ADAM22: variants seen among roughly 807,000 people sequenced by gnomAD.
ADAM22 encodes the protein ADAM metallopeptidase domain 22.
A neutral mutation model predicts 144.6 loss-of-function variants in ADAM22; 65 were observed. The observed-to-expected ratio is 0.45, with a 90% confidence interval of 0.37 to 0.55. ADAM22 has a LOEUF of 0.55. Among genes scored for constraint, ADAM22 ranks in the 20% least tolerant of loss-of-function variants. The pLI is 0.00. For synonymous variants in ADAM22, 391 were observed against 412.6 expected (o/e 0.95, Z 0.63); for missense variants, 974 against 1,184.9 (o/e 0.82, Z 2.61).
At chr7:88,074,053 A>T (rs967441595) in intron 3 of ADAM22, among the ~76,000 whole-genome samples, 1 of 152,300 alleles carries the variant, frequency 6.6e-6, no homozygotes, top group South Asian at 2.1e-4. Context: ...TGTATGTAAG[A>T]GATGCTACTG....
Position 88,153,401 on chromosome 7 carries a change from T to G in ADAM22, c.1787+75T>G, listed in dbSNP as rs557580025. 6.1e-5 allele frequency: 72 copies of G among 1,177,556 alleles called. No homozygotes were observed. In the East Asian group the frequency reaches 1.7e-3, roughly 28 times the overall value. 72.9% of individuals were successfully genotyped at this position (1,177,556 alleles called of 1,614,324 possible). Reference sequence around the variant, plus strand: ...GTACTTTTTTGAGTGACTAGGAAGTTTCTGCTTTCTGCATCACACAAAGTG... The same window carrying G: ...GTACTTTTTTGAGTGACTAGGAAGTGTCTGCTTTCTGCATCACACAAAGTG... On this transcript the variant is annotated intron_variant, in intron 21 of 31. Coordinates refer to ENST00000413139, the MANE Select transcript of ADAM22 (RefSeq NM_001324418.2).
chr7:87,963,344 T>C (rs1848386616), intron 2 of ADAM22, among the ~76,000 whole-genome samples: 1 of 152,118 alleles, frequency 6.6e-6, no homozygotes. Context: ...TTTTCAGAAG[T>C]GAATAAGTTC....
chr7:87,982,068 T>TATATATATATATACACACAC (rs1244517564), intron 3 of ADAM22, among the ~76,000 whole-genome samples: 3 of 93,744 alleles, frequency 3.2e-5, no homozygotes, highest in East Asian at 3.8e-4. Flanking sequence ...TATATATATA[T>TATATATATATATACACACAC]ACACACACAC....
At position 88,013,742 on chromosome 7, in the gene ADAM22, G is replaced by A. The variant is rs528116167; in HGVS notation, c.323+35330G>A. Among the ~76,000 whole-genome samples the A allele has an allele frequency of 1.3e-4, 20 of 152,266 alleles. No homozygotes were observed. The South Asian group carries it at 4.1e-3, about 32-fold the overall frequency. ...TGCCTGGCCATTTCTTGAACCTTCT[G>A]AATGTTATATGGAAATGAGTGATTT... On this transcript the variant is annotated intron_variant, in intron 3 of 31. Coordinates refer to ENST00000413139, the MANE Select transcript of ADAM22 (RefSeq NM_001324418.2).
chr7:87,944,816 G>GTTTTTTTTTTTTT (rs11311070), intron 2 of ADAM22, among the ~76,000 whole-genome samples: 5 of 127,028 alleles, frequency 3.9e-5, no homozygotes, highest in Non-Finnish European at 6.6e-5. Context: ...GGAAACTTGT[G>GTTTTTTTTTTTTT]TTTTTTTTTT....
rs184782741 is a variant in ADAM22 at position 87,968,382 on chromosome 7, C to T, written c.247-9954C>T. Among the ~76,000 whole-genome samples, 54 of 152,096 alleles carry T rather than the reference C, an allele frequency of 3.6e-4. No individual in the cohort carries two copies. The East Asian group carries it at 0.01, about 29-fold the overall frequency. On this transcript the variant is annotated intron_variant, in intron 2 of 31. Coordinates refer to ENST00000413139, the MANE Select transcript of ADAM22 (RefSeq NM_001324418.2). ...GGCACTAGTATTTTTTAAAAAGTTT[C>T]CCAAGGTAGTCTGGGTGTGGTGGCT...
chr7:87,996,592 A>G (rs1270859315), intron 3 of ADAM22, among the ~76,000 whole-genome samples: 1 of 152,204 alleles, frequency 6.6e-6, no homozygotes, highest in Non-Finnish European at 1.5e-5. Flanking sequence ...CATAACACTG[A>G]AGGGAATATT....
At chr7:88,089,270 A>G (rs540162413) in intron 4 of ADAM22, among the ~76,000 whole-genome samples, 2 of 152,132 alleles carry the variant, frequency 1.3e-5, no homozygotes, top group African/African-American at 4.8e-5. Context: ...ATATATATAA[A>G]AAAAGAAAAA....
At chr7:88,126,980 C>T (rs1357574570) in intron 8 of ADAM22, among the ~76,000 whole-genome samples, 5 of 151,736 alleles carry the variant, frequency 3.3e-5, no homozygotes, top group Non-Finnish European at 5.9e-5. Flanking sequence ...TGCTTATAAC[C>T]GCATATACGC....
chr7:88,170,284 G>T (rs185356640), intron 25 of ADAM22, among the ~76,000 whole-genome samples: 1 of 151,806 alleles, frequency 6.6e-6, no homozygotes, highest in Non-Finnish European at 1.5e-5. Context: ...GGAATATAGT[G>T]GGAATGTAGA....
chr7:88,134,552 G>T (rs895120584), intron 13 of ADAM22, 133 bp downstream of exon 13: 2 of 596,640 alleles, frequency 3.4e-6, no homozygotes, highest in Non-Finnish European at 5.7e-6. Context: ...AACATCCAGC[G>T]CACAAACTGT....
intron 3 of ADAM22, among the ~76,000 whole-genome samples, chr7:88,030,413 A>C (rs1799966366): frequency 6.6e-6 from 1 of 152,152 alleles, no homozygotes; most frequent in Non-Finnish European, 1.5e-5. Flanking sequence ...GAGTTTACTC[A>C]AAACAGCCCT....
chr7:88,191,484 A>G (rs2129540695), intron 30 of ADAM22, among the ~76,000 whole-genome samples: 1 of 152,376 alleles, frequency 6.6e-6, no homozygotes, highest in African/African-American at 2.4e-5. Context: ...ATTAGGCTAA[A>G]AAGCTGACGC....
chr7:88,014,411 G>A (rs1796105659), intron 3 of ADAM22, among the ~76,000 whole-genome samples: 1 of 152,090 alleles, frequency 6.6e-6, no homozygotes, highest in South Asian at 2.1e-4. Flanking sequence ...CTGAAAGGTA[G>A]GTGAGGAAGT....
intron 13 of ADAM22, among the ~76,000 whole-genome samples, chr7:88,135,773 C>T (rs746522717): frequency 6.6e-6 from 1 of 151,558 alleles, no homozygotes; most frequent in Non-Finnish European, 1.5e-5. Context: ...TTTTTTGGGG[C>T]AAAAATTATA....
chr7:87,946,211 G>A (rs1843654464), intron 2 of ADAM22, among the ~76,000 whole-genome samples: 1 of 151,948 alleles, frequency 6.6e-6, no homozygotes, highest in Non-Finnish European at 1.5e-5. Context: ...TTTTGCCTAT[G>A]TTTTATTGGG....
intron 2 of ADAM22, among the ~76,000 whole-genome samples, chr7:87,955,097 G>A (rs1229997345): frequency 5.9e-5 from 9 of 152,058 alleles, no homozygotes; most frequent in African/African-American, 1.4e-4. Context: ...CCTATAGCTC[G>A]GAGTAATTTG....
At chr7:88,186,450 T>G (rs982631534) in intron 29 of ADAM22, 165 bp from the exon 30 acceptor site, 8 of 652,712 alleles carry the variant, frequency 1.2e-5, no homozygotes, top group African/African-American at 1.1e-4. Flanking sequence ...ATTATTCTCA[T>G]GTCATTGTAT....
intron 2 of ADAM22, among the ~76,000 whole-genome samples, chr7:87,941,286 A>G (rs928714066): frequency 4.6e-5 from 7 of 152,220 alleles, no homozygotes; most frequent in African/African-American, 1.7e-4. Flanking sequence ...AAAAATGCCA[A>G]ATGGCAGCAA....
Sources: gnomAD v4.1 joint callset for allele counts (sites outside exome capture counted in the v4.1 genomes callset) on GRCh38, gnomAD v4.1.1 for gene constraint, MANE v1.5 for transcripts, NCBI Gene and HGNC (gene_info 2026-07-23, HGNC 2026-07-21) for gene names.